HCRTR2: variants seen among roughly 807,000 people sequenced by gnomAD.
The protein encoded by HCRTR2 is hypocretin receptor 2, also known as orexin receptor type 2.
HCRTR2 carries 22 observed loss-of-function variants against 49.0 expected under a neutral mutation model. The ratio of observed to expected loss-of-function variants is 0.45; its 90% CI spans 0.32 to 0.64. HCRTR2 has a LOEUF of 0.64. HCRTR2 is among the 30% of genes least tolerant of loss of function. The pLI, the probability that HCRTR2 is intolerant of heterozygous loss-of-function variation, is 0.04. For synonymous variants in HCRTR2, 236 were observed against 205.3 expected, an observed-to-expected ratio of 1.15 and a Z score of -1.28; for missense variants, 491 against 559.4, an observed-to-expected ratio of 0.88 and a Z score of 1.23.
At chr6:55,122,763 T>C (rs1252005036) in intron 1 of HCRTR2, among the ~76,000 whole-genome samples, 1 of 152,196 alleles carries the variant, frequency 6.6e-6, no homozygotes, top group East Asian at 1.9e-4. Context: ...GTGACACATG[T>C]ACACCATGGA....
chr6:55,110,628 CAA>C (rs1764035756), intron 1 of HCRTR2, among the ~76,000 whole-genome samples: 1 of 101,992 alleles, frequency 9.8e-6, no homozygotes, highest in Non-Finnish European at 2.2e-5. Flanking sequence ...AAAAAAAAGA[CAA>C]AGAGGGACAT....
intron 1 of HCRTR2, among the ~76,000 whole-genome samples, chr6:55,199,426 G>C (rs772311502): frequency 6.6e-6 from 1 of 152,064 alleles, no homozygotes; most frequent in East Asian, 1.9e-4. Flanking sequence ...ATGCTTGCTA[G>C]AAAACAGCTG....
chr6:55,177,931 T>G (rs1765068728), intron 1 of HCRTR2, among the ~76,000 whole-genome samples: 1 of 152,170 alleles, frequency 6.6e-6, no homozygotes, highest in African/African-American at 2.4e-5. Flanking sequence ...TTTTAAGTTC[T>G]AAGGAAGGAG....
chr6:55,257,018 T>C (rs1414736880), intron 3 of HCRTR2, among the ~76,000 whole-genome samples: 1 of 152,022 alleles, frequency 6.6e-6, no homozygotes, highest in African/African-American at 2.4e-5. Context: ...CAGCAGAACA[T>C]TAAAGATAAG....
chr6:55,120,681 A>T (rs1764185255), intron 1 of HCRTR2, among the ~76,000 whole-genome samples: 1 of 151,816 alleles, frequency 6.6e-6, no homozygotes, highest in African/African-American at 2.4e-5. Flanking sequence ...CTAAATATAC[A>T]ATCATGTCAT....
chr6:55,284,286 G>A (rs1767244855), downstream of HCRTR2, among the ~76,000 whole-genome samples: 1 of 152,112 alleles, frequency 6.6e-6, no homozygotes, highest in Admixed American at 6.6e-5. Context: ...GTTATGTGAC[G>A]TATGGGAAGT....
chr6:55,125,755 G>GTTTGGTCTTTT (rs1764266110), intron 1 of HCRTR2, among the ~76,000 whole-genome samples: 4 of 152,018 alleles, frequency 2.6e-5, no homozygotes, highest in African/African-American at 7.2e-5. Context: ...TACACCAATA[G>GTTTGGTCTTTT]AACGTATGTT....
intron 4 of HCRTR2, among the ~76,000 whole-genome samples, chr6:55,265,949 C>G (rs1000662543): frequency 6.6e-6 from 1 of 152,018 alleles, no homozygotes; most frequent in Non-Finnish European, 1.5e-5. Context: ...CCAGTAAAAC[C>G]CCTTCCTATC....
chr6:55,130,601 C>T (rs1764342259), intron 1 of HCRTR2, among the ~76,000 whole-genome samples: 1 of 151,760 alleles, frequency 6.6e-6, no homozygotes, highest in Non-Finnish European at 1.5e-5. Context: ...GGTATCAATC[C>T]TCTACTTACA....
chr6:55,185,382 T>C (rs1426321068), intron 1 of HCRTR2, among the ~76,000 whole-genome samples: 2 of 152,196 alleles, frequency 1.3e-5, no homozygotes, highest in Non-Finnish European at 2.9e-5. Flanking sequence ...CCCTAGTTTA[T>C]AGACGTATGT....
intron 1 of HCRTR2, chr6:55,240,914 T>C (rs897838006): frequency 1.6e-4 from 32 of 195,954 alleles, no homozygotes; most frequent in Non-Finnish European, 1.4e-4. Flanking sequence ...CTTATTTATA[T>C]TTAATTGAGA....
At position 55,107,102 on chromosome 6, in the gene HCRTR2, A is replaced by G. The variant is rs948879889; in HGVS notation, c.-378+557A>G. ...AATTACTGCTTGCTGGTTTATCTAC[A>G]TTTGTCATTTTCTTACTTTCCGTGT... On this transcript the variant is annotated intron_variant, in intron 1 of 7. Transcript: ENST00000615358. Among the ~76,000 whole-genome samples, 5 of 152,038 alleles carry G rather than the reference A, an allele frequency of 3.3e-5. No individual in the cohort carries two copies. The East Asian group carries it at 9.6e-4, about 29-fold the overall frequency.
chr6:55,281,522 T>G (rs905246745), intron 6 of HCRTR2, among the ~76,000 whole-genome samples: 1 of 152,178 alleles, frequency 6.6e-6, no homozygotes, highest in African/African-American at 2.4e-5. Context: ...CCGTGAACAT[T>G]CATCTTCTCA....
chr6:55,270,969 A>G (rs1766962516), intron 4 of HCRTR2, among the ~76,000 whole-genome samples: 1 of 152,200 alleles, frequency 6.6e-6, no homozygotes, highest in South Asian at 2.1e-4. Flanking sequence ...AATAGAAATA[A>G]TCTTCAAATT....
intron 1 of HCRTR2, among the ~76,000 whole-genome samples, chr6:55,195,194 C>T (rs946495756): frequency 3.9e-5 from 6 of 152,044 alleles, no homozygotes; most frequent in South Asian, 4.2e-4. Flanking sequence ...AATAAGATAT[C>T]GACTTTCTTA....
Position 55,277,484 on chromosome 6 carries a change from G to A in HCRTR2, c.867G>A (p.Val289=). ...CAACGAAGTCCCGGATGAGCGCTGTGGCGGCTGAAATAAAGCAGATCCGAG... is the reference window on the plus strand; with the variant it reads ...CAACGAAGTCCCGGATGAGCGCTGTAGCGGCTGAAATAAAGCAGATCCGAG... The part of the protein sequence containing the change: ...GQPTKSRMSA[V]AAEIKQIRAR... The change falls in exon 5 of 7, where the codon GTG becomes GTA. Residue 289 remains valine (V), a synonymous_variant. Coordinates refer to ENST00000370862, the MANE Select transcript of HCRTR2 (RefSeq NM_001384272.1). The A allele has an allele frequency of 6.2e-7, 1 of 1,614,100 alleles. No individual in the cohort carries two copies. Among genetic ancestry groups the A allele is most frequent in the East Asian group, 2.2e-5 (1 of 44,860 alleles).
At chr6:55,260,065 AT>A (rs1460740234) in intron 3 of HCRTR2, among the ~76,000 whole-genome samples, 4 of 152,064 alleles carry the variant, frequency 2.6e-5, no homozygotes, top group Admixed American at 6.6e-5. Flanking sequence ...TCAATTACAT[AT>A]TTTTTCTAAT....
chr6:55,245,953 A>C (rs535995846), intron 1 of HCRTR2, among the ~76,000 whole-genome samples: 19 of 152,172 alleles, frequency 1.2e-4, no homozygotes, highest in Middle Eastern at 3.4e-3. Flanking sequence ...GTCATATTGC[A>C]GTAGGGTGGG....
chr6:55,205,894 A>G (rs1295408198), intron 1 of HCRTR2, among the ~76,000 whole-genome samples: 1 of 151,892 alleles, frequency 6.6e-6, no homozygotes, highest in African/African-American at 2.4e-5. Context: ...ATTTTTTTAC[A>G]CCCTTATTAT....
Sources: gnomAD v4.1 joint callset for allele counts (sites outside exome capture counted in the v4.1 genomes callset) on GRCh38, gnomAD v4.1.1 for gene constraint, MANE v1.5 for transcripts, NCBI Gene and HGNC (gene_info 2026-07-23, HGNC 2026-07-21) for gene names.